The following INSRR variants were observed in gnomAD, a reference collection of about 807,000 sequenced individuals.
INSRR encodes insulin receptor-related protein.
A neutral mutation model predicts 130.0 loss-of-function variants in INSRR; 114 were observed. That is an observed-to-expected ratio of 0.88 (90% CI 0.75 to 1.02). INSRR has a LOEUF of 1.02. Among genes scored for constraint, INSRR ranks in the 50% least tolerant of loss-of-function variants. The probability of loss-of-function intolerance (pLI) is 0.00; values close to 1 mark genes in which losing one functional copy is unlikely to be tolerated. For synonymous variants in INSRR, 674 were observed against 705.2 expected, an observed-to-expected ratio of 0.96 and a Z score of 0.70; for missense variants, 1,657 against 1,735.2, an observed-to-expected ratio of 0.95 and a Z score of 0.80.
Position 156,840,730 on chromosome 1 carries a change from T to C in INSRR, c.*143A>G. 3.0e-6 allele frequency: 2 copies of C among 676,236 alleles called. No homozygotes were observed. The highest frequency in any genetic ancestry group is 4.9e-5 in the Admixed American group (2 of 40,412). 41.9% of individuals were successfully genotyped at this position (676,236 alleles called of 1,614,324 possible). A position where few individuals can be genotyped will look rare whatever the true frequency, so the allele number is the denominator to read the frequency against. On this transcript the variant is annotated 3_prime_UTR_variant, in exon 22 of 22. Coordinates refer to ENST00000368195, the MANE Select transcript of INSRR (RefSeq NM_014215.3). ...GACCCCTCTGCCCACCCCCACAGCCTTCCCTGCTCCTGTTCTCTGCCCCAC... is the reference window on the plus strand; with the variant it reads ...GACCCCTCTGCCCACCCCCACAGCCCTCCCTGCTCCTGTTCTCTGCCCCAC...
At chr1:156,848,425 G>A (rs1346225253) in intron 7 of INSRR, among the ~76,000 whole-genome samples, 1 of 152,102 alleles carries the variant, frequency 6.6e-6, no homozygotes, top group Non-Finnish European at 1.5e-5. Flanking sequence ...AGTCTTTCCT[G>A]TGGTCTAACC....
chr1:156,849,513 G>GGGGGGGGGGGGGGGGGGGGGGGC, intron 5 of INSRR, 53 bp from the exon 6 acceptor site: 2 of 486,120 alleles, frequency 4.1e-6, no homozygotes, highest in East Asian at 5.4e-5. Flanking sequence ...CAGGGGGTGG[G>GGGGGGGGGGGGGGGGGGGGGGGC]AAAGGGGATG....
At chr1:156,841,588 G>C in intron 20 of INSRR, 60 bp from the exon 21 acceptor site, 1 of 1,610,640 alleles carries the variant, frequency 6.2e-7, no homozygotes, top group Non-Finnish European at 8.5e-7. Flanking sequence ...TGCATTCCAA[G>C]GGATGGGGGT....
chr1:156,845,493 G>C, intron 10 of INSRR, 80 bp from the exon 11 acceptor site: 1 of 1,505,410 alleles, frequency 6.6e-7, no homozygotes. Flanking sequence ...GCCTCCAAAA[G>C]CACCCACAAC....
rs55637794 is a variant in INSRR, at chr1:156,840,868, G to T, written c.*5C>A. ...TGGGAGGCCAGCCAGGGAATGAGGT[G>T]CCCCTCAGTGCCCTGGACCCCCATT... On this transcript the variant is annotated 3_prime_UTR_variant, in exon 22 of 22. Coordinates refer to ENST00000368195, the MANE Select transcript of INSRR (RefSeq NM_014215.3). The T allele has an allele frequency of 2.2e-5, 36 of 1,604,900 alleles. No homozygotes were observed. The highest frequency in any genetic ancestry group is 2.9e-5 in the Non-Finnish European group (34 of 1,172,652).
At chr1:156,845,317 C>G (rs759884417) in intron 11 of INSRR, 21 bp from the exon 12 acceptor site, 1 of 1,610,948 alleles carries the variant, frequency 6.2e-7, no homozygotes, top group Non-Finnish European at 8.5e-7. Flanking sequence ...CGAGTCAGAG[C>G]CAAGGCCCAG....
Position 156,851,344 on chromosome 1 carries a change from G to A in INSRR, c.1175C>T (p.Ser392Phe). Residue 392 changes from serine (S) to phenylalanine (F), a missense_variant, in exon 5 of 22, where the codon TCC becomes TTC. Coordinates refer to ENST00000368195, the MANE Select transcript of INSRR (RefSeq NM_014215.3). ...TTTGAGGTTCTTGAAAAAGCCCAGG[G>A]ACACGAGGGCAAAGGAGTGCTTGAT... is the stretch of plus-strand genomic sequence containing the variant. ...LKIKHSFALVSLGFFKNLKLI... is the reference protein window; with the variant it reads ...LKIKHSFALVFLGFFKNLKLI... The A allele has an allele frequency of 1.2e-6, 2 of 1,614,146 alleles. No homozygotes were observed. Among genetic ancestry groups the A allele is most frequent in the Non-Finnish European group, 8.5e-7 (1 of 1,180,002 alleles).
intron 12 of INSRR, 51 bp from the exon 13 acceptor site, chr1:156,844,894 T>A: frequency 6.2e-7 from 1 of 1,608,896 alleles, no homozygotes; most frequent in Non-Finnish European, 8.5e-7. Context: ...CATCTCACCT[T>A]ATGTTCAAAC....
intron 15 of INSRR, 30 bp downstream of exon 15, chr1:156,844,145 G>A: frequency 2.6e-6 from 4 of 1,512,632 alleles, no homozygotes; most frequent in Non-Finnish European, 2.7e-6. Context: ...GGGAGAAAAG[G>A]GGGTGGGGAC....
rs969556515 is a variant in INSRR, at chr1:156,843,338, C to T, written c.2896+89G>A. 1.9e-6 allele frequency: 3 copies of T among 1,572,940 alleles called. No homozygotes were observed. In the African/African-American group the frequency reaches 4.1e-5, roughly 21 times the overall value. On this transcript the variant is annotated intron_variant, in intron 16 of 21. Coordinates refer to ENST00000368195, the MANE Select transcript of INSRR (RefSeq NM_014215.3). ...TGAAGGGCTCTTGTCCCAAGGCTAT[C>T]TTCTGCAAGAAGGTCTTCTGGAAGT...
In INSRR at chr1:156,840,634, T is replaced by A. The variant is rs1654737610; in HGVS notation, c.*239A>T. 1 of 572,700 alleles carries A rather than the reference T, an allele frequency of 1.7e-6. No homozygotes were observed. Among genetic ancestry groups the A allele is most frequent in the Non-Finnish European group, 3.1e-6 (1 of 319,832 alleles). The allele number at this position is 572,700 out of a possible 1,614,324, so 35.5% of individuals were successfully genotyped here. A position where few individuals can be genotyped will look rare whatever the true frequency, so the allele number is the denominator to read the frequency against. On this transcript the variant is annotated 3_prime_UTR_variant, in exon 22 of 22. Coordinates refer to ENST00000368195, the MANE Select transcript of INSRR (RefSeq NM_014215.3). Reference sequence around the variant, plus strand: ...CAGGACATCTCTCCCTGACCTGATCTCTACTCCTCTGGCTTTGACCCTGCT... The same window carrying A: ...CAGGACATCTCTCCCTGACCTGATCACTACTCCTCTGGCTTTGACCCTGCT...
In INSRR at chr1:156,844,706, C is replaced by A. The variant is rs1218571048; in HGVS notation, c.2574+1G>T. ...GGGACGGGGGTCCCACGGGCACCTA[C>A]CTCTCCCAAGCGGCGGTACTTGATT... is the stretch of plus-strand genomic sequence containing the variant. On this transcript the variant is annotated splice_donor_variant, in intron 13 of 21. Coordinates refer to ENST00000368195, the MANE Select transcript of INSRR (RefSeq NM_014215.3). LOFTEE classifies it high-confidence loss of function. The A allele has an allele frequency of 6.2e-7, 1 of 1,614,014 alleles. No individual in the cohort carries two copies. The highest frequency in any genetic ancestry group is 1.7e-5 in the Admixed American group (1 of 60,008).
Position 156,854,610 on chromosome 1 carries a change from C to T in INSRR, c.86-307G>A, listed in dbSNP as rs1655345986. On this transcript the variant is annotated intron_variant, in intron 1 of 21. Transcript: ENST00000368195. This position sits in a 1 kb window ranked among gnomAD's most constrained non-coding sequence, Gnocchi z 4.2. ...GGCTCCCAACGACTGCAAGCGACTC[C>T]CAGCGACTTCATTCTTGCAGTCACC... Among the ~76,000 whole-genome samples the T allele has an allele frequency of 6.6e-6, 1 of 152,162 alleles. No individual in the cohort carries two copies. The highest frequency in any genetic ancestry group is 1.5e-5 in the Non-Finnish European group (1 of 68,012).
At chr1:156,853,146 G>C (rs1655285377) in intron 2 of INSRR, among the ~76,000 whole-genome samples, 1 of 151,820 alleles carries the variant, frequency 6.6e-6, no homozygotes, top group Non-Finnish European at 1.5e-5. Context: ...GCTCTCACCT[G>C]TTCAGTTCTT....
At chr1:156,855,588 C>T (rs939514569) in intron 1 of INSRR, among the ~76,000 whole-genome samples, 5 of 151,980 alleles carry the variant, frequency 3.3e-5, no homozygotes, top group African/African-American at 9.7e-5. Flanking sequence ...TTTGGGAGGC[C>T]GAGGTGGGAA....
chr1:156,842,535 C>T (rs758974795), intron 17 of INSRR, 27 bp from the exon 18 acceptor site: 7 of 1,575,378 alleles, frequency 4.4e-6, no homozygotes, highest in Non-Finnish European at 6.1e-6. Flanking sequence ...GCCTAGCAGA[C>T]CCCCTAGTTC....
chr1:156,856,001 G>A (rs909352995), intron 1 of INSRR, among the ~76,000 whole-genome samples: 5 of 151,874 alleles, frequency 3.3e-5, no homozygotes, highest in Non-Finnish European at 7.4e-5. Flanking sequence ...AGTGTAGTGG[G>A]AGGATCATAG....
intron 5 of INSRR, among the ~76,000 whole-genome samples, chr1:156,850,301 T>C (rs1571667664): frequency 6.6e-6 from 1 of 152,102 alleles, no homozygotes; most frequent in South Asian, 2.1e-4. Context: ...AACCCCTGTC[T>C]CCCAGGTTCA....
Position 156,845,612 on chromosome 1 carries a change from T to C in INSRR, c.2174+7A>G. The C allele has an allele frequency of 6.5e-7, 1 of 1,544,168 alleles. No homozygotes were observed. The highest frequency in any genetic ancestry group is 1.1e-5 in the South Asian group (1 of 88,860). ...AGACCCTCCCAGGCCGCGCGCGCTC[T>C]TCGCACATGGGGATGGTGATCGCGT... On this transcript the variant is annotated splice_region_variant and intron_variant, in intron 10 of 21. Transcript: ENST00000368195.
Sources: allele counts gnomAD v4.1 joint callset (sites outside exome capture counted in the v4.1 genomes callset), GRCh38; gene constraint gnomAD v4.1.1; non-coding constraint Gnocchi (gnomAD v3.1); transcripts MANE v1.5; gene names NCBI Gene and HGNC (gene_info 2026-07-23, HGNC 2026-07-21).